The following TIAM2 variants were observed in gnomAD, a reference collection of about 807,000 sequenced individuals.
TIAM2 encodes the protein TIAM Rac1 associated GEF 2.
A neutral mutation model predicts 152.9 loss-of-function variants in TIAM2; 80 were observed. The ratio of observed to expected loss-of-function variants is 0.52; its 90% CI spans 0.44 to 0.63. The LOEUF (loss-of-function observed/expected upper bound fraction) is 0.63. Ranked by LOEUF, TIAM2 falls within the 30% of genes least tolerant of loss-of-function variation. The probability of loss-of-function intolerance (pLI) is 0.00; values close to 1 mark genes in which losing one functional copy is unlikely to be tolerated. For missense variants in TIAM2, 1,965 were observed against 2,120.1 expected (o/e 0.93, Z 1.44); for synonymous variants, 804 against 838.0 (o/e 0.96, Z 0.70).
intron 7 of TIAM2, among the ~76,000 whole-genome samples, chr6:155,158,835 A>G (rs991192498): frequency 2.6e-5 from 4 of 151,926 alleles, no homozygotes; most frequent in Non-Finnish European, 4.4e-5. Context: ...ATAAGGAAAC[A>G]TCTAGAAACT....
intron 1 of TIAM2, among the ~76,000 whole-genome samples, chr6:155,086,688 C>T (rs1371025276): frequency 7.5e-6 from 1 of 133,460 alleles, no homozygotes; most frequent in Non-Finnish European, 1.5e-5. Flanking sequence ...GCCTGGGCAA[C>T]AGAGTGAGGC....
In TIAM2 at chr6:155,129,843, A is replaced by C. The variant is rs780331013; in HGVS notation, c.620A>C (p.Glu207Ala). 2 of 1,613,644 alleles carry C rather than the reference A, an allele frequency of 1.2e-6. No homozygotes were observed. Among genetic ancestry groups the C allele is most frequent in the Non-Finnish European group, 1.7e-6 (2 of 1,180,018 alleles). Residue 207 changes from glutamate (E) to alanine (A), a missense_variant, in exon 4 of 27, where the codon GAA (glutamate) becomes GCA (alanine). Physicochemically the swap from Glu to Ala is moderately radical, Grantham distance 107. Transcript: ENST00000682666. This position sits in a 1 kb window ranked among gnomAD's most constrained non-coding sequence, Gnocchi z 4.8. ...AGGTACTCACCTACCTTAGCATCGG[A>C]AACCTCCCCTGTGCCTGAAGCCAGG... ...LLRYSPTLAS[E>A]TSPVPEARRG...
chr6:155,041,800 G>A (rs906532091), intron 1 of TIAM2, among the ~76,000 whole-genome samples: 1 of 152,106 alleles, frequency 6.6e-6, no homozygotes, highest in Non-Finnish European at 1.5e-5. Context: ...TGAGGTGTTC[G>A]CGTTGCCAGT....
chr6:155,172,671 TATATATATATATA>T (rs1301999840), intron 9 of TIAM2, among the ~76,000 whole-genome samples: 91 of 11,208 alleles, frequency 8.1e-3, no homozygotes, highest in Non-Finnish European at 0.01. Context: ...TATATATATA[TATATATATATATA>T]TATTTTTTTT....
intron 18 of TIAM2, 178 bp downstream of exon 18, chr6:155,244,961 AT>A (rs71268483): frequency 6.3e-4 from 455 of 719,708 alleles, no homozygotes; most frequent in South Asian, 1.4e-3. Context: ...GGCTGTATAT[AT>A]TTTTTTTTCC....
chr6:155,187,256 A>T (rs1278170210), intron 14 of TIAM2, among the ~76,000 whole-genome samples: 1 of 152,112 alleles, frequency 6.6e-6, no homozygotes, highest in East Asian at 1.9e-4. Flanking sequence ...TGGGAAAAAA[A>T]ATCTGTCTCT....
At chr6:154,998,500 T>C (rs1471931159) in intron 1 of TIAM2, among the ~76,000 whole-genome samples, 1 of 152,206 alleles carries the variant, frequency 6.6e-6, no homozygotes, top group African/African-American at 2.4e-5. Context: ...GCAAGAGTTG[T>C]AAAAATGCTC....
At chr6:155,035,046 C>T (rs779952552) in intron 1 of TIAM2, among the ~76,000 whole-genome samples, 14 of 152,070 alleles carry the variant, frequency 9.2e-5, no homozygotes, top group Non-Finnish European at 1.9e-4. Flanking sequence ...CTATATGGGT[C>T]CACGAAGCTT....
chr6:155,131,346 TAA>T (rs369453097), intron 4 of TIAM2, among the ~76,000 whole-genome samples: 24 of 139,794 alleles, frequency 1.7e-4, no homozygotes, highest in Non-Finnish European at 2.0e-4. Flanking sequence ...ACTCTGTCTT[TAA>T]AAAAAAAAAA....
intron 2 of TIAM2, among the ~76,000 whole-genome samples, chr6:155,094,724 G>GTTT (rs200208029): frequency 6.1e-4 from 83 of 136,176 alleles, no homozygotes; most frequent in African/African-American, 2.2e-3. Flanking sequence ...TATATCTATG[G>GTTT]TTTTTTTTTT....
intron 2 of TIAM2, among the ~76,000 whole-genome samples, chr6:155,109,129 G>A (rs9384284): frequency 0.073 from 11,020 of 151,946 alleles, 740 homozygotes; most frequent in East Asian, 0.31. Flanking sequence ...GACTACAGGC[G>A]CCCACCACCA....
chr6:155,017,165 G>A (rs372008191), intron 1 of TIAM2, among the ~76,000 whole-genome samples: 1 of 152,180 alleles, frequency 6.6e-6, no homozygotes, highest in Admixed American at 6.5e-5. Flanking sequence ...CTCCCGAGGA[G>A]TCTGGCTGGT....
At chr6:155,221,333 C>T (rs889001692) in intron 15 of TIAM2, among the ~76,000 whole-genome samples, 10 of 152,124 alleles carry the variant, frequency 6.6e-5, no homozygotes, top group African/African-American at 2.4e-4. Flanking sequence ...TAATGACACT[C>T]CCGTTCCTCA....
At chr6:155,244,853 C>G in intron 18 of TIAM2, 70 bp downstream of exon 18, 1 of 1,466,046 alleles carries the variant, frequency 6.8e-7, no homozygotes, top group African/African-American at 1.4e-5. Context: ...CATGAGAATT[C>G]TCTCATGAGA....
intron 1 of TIAM2, among the ~76,000 whole-genome samples, chr6:155,020,887 C>T (rs1776465204): frequency 1.3e-5 from 2 of 152,086 alleles, no homozygotes; most frequent in South Asian, 4.1e-4. Context: ...TAAACAATAC[C>T]CCCCATTTCT....
chr6:155,162,146 C>T (rs1416954031), intron 7 of TIAM2, among the ~76,000 whole-genome samples: 2 of 150,692 alleles, frequency 1.3e-5, no homozygotes, highest in Non-Finnish European at 3.0e-5. Flanking sequence ...TTTGTAGAGA[C>T]AGGATTTCGC....
At chr6:155,225,339 A>G (rs147757427) in intron 15 of TIAM2, among the ~76,000 whole-genome samples, 1 of 152,232 alleles carries the variant, frequency 6.6e-6, no homozygotes, top group African/African-American at 2.4e-5. Context: ...CACACCCATC[A>G]GGACAGGTTG....
chr6:155,249,608 A>G (rs1441475058), intron 20 of TIAM2, among the ~76,000 whole-genome samples: 1 of 152,232 alleles, frequency 6.6e-6, no homozygotes, highest in Non-Finnish European at 1.5e-5. Flanking sequence ...GTTATTAGTG[A>G]TACTTTTCAC....
intron 1 of TIAM2, among the ~76,000 whole-genome samples, chr6:155,038,467 A>G (rs1420245497): frequency 1.3e-5 from 2 of 152,228 alleles, no homozygotes; most frequent in Non-Finnish European, 2.9e-5. Context: ...GGTGGGATAC[A>G]TGATGCAGAG....
Sources: gnomAD v4.1 joint callset for allele counts (sites outside exome capture counted in the v4.1 genomes callset) on GRCh38, gnomAD v4.1.1 for gene constraint, Gnocchi (gnomAD v3.1) non-coding constraint, MANE v1.5 for transcripts, NCBI Gene and HGNC (gene_info 2026-07-23, HGNC 2026-07-21) for gene names.